EMID1: variants seen among roughly 807,000 people sequenced by gnomAD.
EMID1 encodes the protein EMI domain containing 1, also known as EMI domain-containing protein 1.
In EMID1, 40 loss-of-function variants were observed where a neutral mutation model predicts 60.6. That is an observed-to-expected ratio of 0.66 (90% confidence interval 0.51 to 0.86). EMID1 has a LOEUF of 0.86. Among genes scored for constraint, EMID1 ranks in the 40% least tolerant of loss-of-function variants. The probability of loss-of-function intolerance (pLI) is 0.00; values close to 1 mark genes in which losing one functional copy is unlikely to be tolerated. For missense variants in EMID1, 585 were observed against 597.1 expected (o/e 0.98, Z 0.21); for synonymous variants, 242 against 231.0 (o/e 1.05, Z -0.43).
chr22:29,254,421 C>A, intron 14 of EMID1, 134 bp downstream of exon 14: 1 of 816,096 alleles, frequency 1.2e-6, no homozygotes, highest in Non-Finnish European at 2.0e-6. Context: ...AAGCATGGAC[C>A]TGAGAGGCCA....
At chr22:29,255,142 C>T (rs931599567) in intron 14 of EMID1, 5 of 557,956 alleles carry the variant, frequency 9.0e-6, no homozygotes, top group African/African-American at 7.6e-5. Context: ...GGTCTCAGTA[C>T]TGAGACTCAC....
At chr22:29,229,809 T>G in intron 5 of EMID1, among the ~76,000 whole-genome samples, 1 of 152,166 alleles carries the variant, frequency 6.6e-6, no homozygotes, top group East Asian at 1.9e-4. Context: ...TCCCACATCT[T>G]GATGGGAATT....
intron 12 of EMID1, among the ~76,000 whole-genome samples, chr22:29,242,366 G>T (rs73156511): frequency 6.6e-6 from 1 of 152,160 alleles, no homozygotes; most frequent in Non-Finnish European, 1.5e-5. Context: ...ATTTCCATTT[G>T]ATTCTTTTTT....
At chr22:29,255,435 C>T (rs954463861) in intron 14 of EMID1, 33 of 1,140,506 alleles carry the variant, frequency 2.9e-5, no homozygotes, top group Admixed American at 1.9e-4. Context: ...ATGCAGAAGG[C>T]GCCTTCCGAT....
At chr22:29,244,029 G>C (rs900627259) in intron 13 of EMID1, among the ~76,000 whole-genome samples, 2 of 152,212 alleles carry the variant, frequency 1.3e-5, no homozygotes, top group Non-Finnish European at 2.9e-5. Flanking sequence ...AATTCATGAA[G>C]CCTGTGAAGA....
At chr22:29,208,408 C>A (rs1292433484) in intron 1 of EMID1, among the ~76,000 whole-genome samples, 2 of 152,330 alleles carry the variant, frequency 1.3e-5, no homozygotes, top group Non-Finnish European at 1.5e-5. Context: ...TGGCTTGCCC[C>A]TGCCCCTGGG....
At chr22:29,227,135 G>A (rs543996472) in intron 5 of EMID1, among the ~76,000 whole-genome samples, 150 of 152,280 alleles carry the variant, frequency 9.9e-4, no homozygotes, top group Non-Finnish European at 1.7e-3. Flanking sequence ...CTGTTGCCCA[G>A]GCTGGAGTGC....
intron 13 of EMID1, among the ~76,000 whole-genome samples, chr22:29,247,501 C>T (rs2041367721): frequency 6.6e-6 from 1 of 152,196 alleles, no homozygotes; most frequent in Non-Finnish European, 1.5e-5. Flanking sequence ...CCAATTGCTC[C>T]CAGGCTACAA....
At chr22:29,222,829 T>C (rs2040349452) in intron 3 of EMID1, among the ~76,000 whole-genome samples, 1 of 152,180 alleles carries the variant, frequency 6.6e-6, no homozygotes, top group Non-Finnish European at 1.5e-5. Context: ...CGATGGCTTA[T>C]GCCTATAATC....
intron 1 of EMID1, among the ~76,000 whole-genome samples, chr22:29,207,009 C>T (rs1314129678): frequency 6.6e-6 from 1 of 152,240 alleles, no homozygotes; most frequent in Non-Finnish European, 1.5e-5. Flanking sequence ...GGCCAGCCGC[C>T]GTTGTCCAAG....
intron 4 of EMID1, 92 bp downstream of exon 4, chr22:29,225,308 T>A: frequency 7.5e-7 from 1 of 1,333,834 alleles, no homozygotes; most frequent in Non-Finnish European, 1.1e-6. Context: ...TAAAAGCCAG[T>A]AGGTCTGGCA....
intron 3 of EMID1, among the ~76,000 whole-genome samples, chr22:29,221,563 A>G (rs1228958986): frequency 1.3e-5 from 2 of 152,006 alleles, no homozygotes; most frequent in African/African-American, 2.4e-5. Context: ...TTTAGTAGAG[A>G]TGGGCTTTCA....
At position 29,233,595 on chromosome 22, in the gene EMID1, A is replaced by C; in HGVS notation, c.914-19A>C. 1 of 1,612,934 alleles carries C rather than the reference A, an allele frequency of 6.2e-7. No homozygotes were observed. On this transcript the variant is annotated intron_variant, in intron 9 of 14. Coordinates refer to ENST00000334018, the MANE Select transcript of EMID1 (RefSeq NM_133455.4). ...ATTGTACTTTGTTCCGGCCCTTAGG[A>C]CATCCTGTCTTTTTCCAGGTCCCCC...
intron 13 of EMID1, among the ~76,000 whole-genome samples, chr22:29,246,010 G>C (rs577895620): frequency 1.3e-5 from 2 of 152,180 alleles, no homozygotes; most frequent in African/African-American, 4.8e-5. Flanking sequence ...GTGAGGTGAG[G>C]GAAAAAAGAC....
intron 3 of EMID1, among the ~76,000 whole-genome samples, chr22:29,224,138 C>T (rs1234241094): frequency 2.0e-5 from 3 of 152,222 alleles, no homozygotes; most frequent in Non-Finnish European, 4.4e-5. Flanking sequence ...CACAATGGGA[C>T]CCAGAGCAGG....
Position 29,226,371 on chromosome 22 carries a change from G to A in EMID1, c.404-119G>A, listed in dbSNP as rs537812083. Reference sequence around the variant, plus strand: ...GCCCTTCCCAAGCCTAAGGTCCCTCGTGGGTTGGGGTCATCAGGTATCTGA... The same window carrying A: ...GCCCTTCCCAAGCCTAAGGTCCCTCATGGGTTGGGGTCATCAGGTATCTGA... On this transcript the variant is annotated intron_variant, in intron 4 of 14. Transcript: ENST00000334018. 34 of 1,115,736 alleles carry A rather than the reference G, an allele frequency of 3.0e-5. No homozygotes were observed. The African/African-American group carries it at 4.7e-4, about 15-fold the overall frequency. The allele number at this position is 1,115,736 out of a possible 1,614,324, so 69.1% of individuals were successfully genotyped here.
chr22:29,236,963 A>C (rs984987703), intron 12 of EMID1, among the ~76,000 whole-genome samples: 5 of 151,006 alleles, frequency 3.3e-5, no homozygotes, highest in Middle Eastern at 3.4e-3. Flanking sequence ...TACCTGGCTA[A>C]TTTTTGTATT....
chr22:29,252,215 C>T (rs573636057), intron 13 of EMID1, among the ~76,000 whole-genome samples: 2 of 152,314 alleles, frequency 1.3e-5, no homozygotes, highest in African/African-American at 4.8e-5. Context: ...GGCCATTCAG[C>T]GGCCTGAGGG....
intron 1 of EMID1, among the ~76,000 whole-genome samples, chr22:29,214,511 C>T (rs761280443): frequency 1.6e-4 from 24 of 152,164 alleles, no homozygotes; most frequent in Non-Finnish European, 2.8e-4. Flanking sequence ...TTCTGTGACA[C>T]TGCCTCTAGG....
Sources: allele counts gnomAD v4.1 joint callset (sites outside exome capture counted in the v4.1 genomes callset), GRCh38; gene constraint gnomAD v4.1.1; transcripts MANE v1.5; gene names NCBI Gene and HGNC (gene_info 2026-07-23, HGNC 2026-07-21).